The following GRIK1 variants were observed in gnomAD, a reference collection of about 807,000 sequenced individuals.
GRIK1 encodes glutamate ionotropic receptor kainate type subunit 1, also known as glutamate receptor ionotropic, kainate 1.
In GRIK1, 69 loss-of-function variants were observed where a neutral mutation model predicts 105.7. The ratio of observed to expected loss-of-function variants is 0.65; its 90% CI spans 0.54 to 0.80. The LOEUF (loss-of-function observed/expected upper bound fraction) is 0.80, where lower values mean the gene tolerates loss of function less well. GRIK1 is among the 30% of genes least tolerant of loss of function. The probability of loss-of-function intolerance (pLI) is 0.00; values close to 1 mark genes in which losing one functional copy is unlikely to be tolerated. For synonymous variants in GRIK1, 438 were observed against 431.3 expected (o/e 1.02, Z -0.19); for missense variants, 1,109 against 1,167.3 (o/e 0.95, Z 0.73).
chr21:29,642,784 G>A (rs1893736790), intron 7 of GRIK1, 42 bp downstream of exon 7: 2 of 1,598,516 alleles, frequency 1.3e-6, no homozygotes, highest in Non-Finnish European at 1.7e-6. Flanking sequence ...AAGCCCAACA[G>A]TGCTCAGAAG....
At chr21:29,736,037 A>G (rs568227633) in intron 1 of GRIK1, among the ~76,000 whole-genome samples, 1 of 152,260 alleles carries the variant, frequency 6.6e-6, no homozygotes, top group East Asian at 1.9e-4. Flanking sequence ...AGGTCTAAAG[A>G]CATAGAAAGC....
At chr21:29,649,941 G>A (rs112332944) in intron 6 of GRIK1, among the ~76,000 whole-genome samples, 12 of 152,246 alleles carry the variant, frequency 7.9e-5, no homozygotes, top group African/African-American at 2.6e-4. Context: ...GAGAAAAACC[G>A]ATCTATTAGC....
chr21:29,694,148 G>A (rs936006958), intron 1 of GRIK1, 85 bp from the exon 2 acceptor site: 31 of 770,980 alleles, frequency 4.0e-5, no homozygotes, highest in Middle Eastern at 3.3e-4. Flanking sequence ...TTTTTGAGAC[G>A]GAGTCTCGCT....
intron 15 of GRIK1, among the ~76,000 whole-genome samples, chr21:29,555,735 G>A (rs1351736616): frequency 6.6e-6 from 1 of 152,178 alleles, no homozygotes; most frequent in African/African-American, 2.4e-5. Flanking sequence ...CAGCCATACC[G>A]GAATGGGAGG....
chr21:29,730,044 T>C (rs1210386091), intron 1 of GRIK1, among the ~76,000 whole-genome samples: 1 of 152,222 alleles, frequency 6.6e-6, no homozygotes, highest in Non-Finnish European at 1.5e-5. Flanking sequence ...CCAATGGTTT[T>C]ATTACTTTAA....
chr21:29,623,095 T>C (rs1053793281), intron 7 of GRIK1, among the ~76,000 whole-genome samples: 2 of 152,164 alleles, frequency 1.3e-5, no homozygotes, highest in African/African-American at 4.8e-5. Flanking sequence ...GGGTAATTTA[T>C]AAAGTAAAGA....
At chr21:29,638,876 A>T (rs888350514) in intron 7 of GRIK1, among the ~76,000 whole-genome samples, 1 of 152,226 alleles carries the variant, frequency 6.6e-6, no homozygotes, top group Non-Finnish European at 1.5e-5. Context: ...TATACATATA[A>T]AATATGTAAT....
At chr21:29,784,496 T>A (rs927837884) in intron 1 of GRIK1, among the ~76,000 whole-genome samples, 8 of 152,210 alleles carry the variant, frequency 5.3e-5, no homozygotes, top group African/African-American at 1.9e-4. Flanking sequence ...TAGTATTTAA[T>A]CTTTGTCTAG....
intron 1 of GRIK1, among the ~76,000 whole-genome samples, chr21:29,884,432 G>A (rs1007118022): frequency 6.6e-6 from 1 of 151,904 alleles, no homozygotes; most frequent in Admixed American, 6.6e-5. Context: ...TTTTCCATAT[G>A]AGGACTTTCG....
chr21:29,931,725 G>A (rs1339394924), intron 1 of GRIK1, among the ~76,000 whole-genome samples: 1 of 151,830 alleles, frequency 6.6e-6, no homozygotes. Context: ...TTGTTACTGG[G>A]GTATCATTGT....
chr21:29,660,335 G>A (rs151296720), intron 4 of GRIK1, among the ~76,000 whole-genome samples: 23 of 152,324 alleles, frequency 1.5e-4, no homozygotes, highest in East Asian at 1.3e-3. Context: ...TGACCAGGAC[G>A]TAGCTCATAG....
At chr21:29,906,553 T>C (rs1220945141) in intron 1 of GRIK1, among the ~76,000 whole-genome samples, 6 of 152,216 alleles carry the variant, frequency 3.9e-5, no homozygotes, top group African/African-American at 7.2e-5. Flanking sequence ...TTTATTTTTA[T>C]TATATGTTTG....
At chr21:29,899,685 T>C (rs903497999) in intron 1 of GRIK1, among the ~76,000 whole-genome samples, 1 of 152,116 alleles carries the variant, frequency 6.6e-6, no homozygotes, top group African/African-American at 2.4e-5. Flanking sequence ...AGAGATGTCA[T>C]TTTCAGGTGA....
At chr21:29,682,856 T>G (rs2063406326) in intron 3 of GRIK1, among the ~76,000 whole-genome samples, 2 of 152,072 alleles carry the variant, frequency 1.3e-5, no homozygotes, top group Non-Finnish European at 2.9e-5. Flanking sequence ...ACCCACAGAA[T>G]GGGAGAAAAT....
intron 15 of GRIK1, among the ~76,000 whole-genome samples, chr21:29,560,437 C>CTTTCTTCCT (rs201038472): frequency 8.9e-6 from 1 of 112,282 alleles, no homozygotes; most frequent in Non-Finnish European, 1.8e-5. Flanking sequence ...TTCTTTCTTT[C>CTTTCTTCCT]TTTTTCTTTC....
At chr21:29,589,477 A>C (rs970334800) in intron 10 of GRIK1, among the ~76,000 whole-genome samples, 6 of 148,526 alleles carry the variant, frequency 4.0e-5, no homozygotes, top group East Asian at 2.0e-4. Context: ...CCTGGAGTGC[A>C]GTGGGGAGAT....
At chr21:29,587,925 CATG>C (rs2091165469) in intron 11 of GRIK1, among the ~76,000 whole-genome samples, 1 of 142,794 alleles carries the variant, frequency 7.0e-6, no homozygotes, top group Admixed American at 7.1e-5. Context: ...TATTAATTGA[CATG>C]ATGAGATTTT....
chr21:29,830,561 T>C (rs1360088544), intron 1 of GRIK1, among the ~76,000 whole-genome samples: 3 of 152,118 alleles, frequency 2.0e-5, no homozygotes, highest in Non-Finnish European at 4.4e-5. Flanking sequence ...GCAGGATAGA[T>C]AGAGTGCTTG....
chr21:29,724,500 TA>T (rs548417297), intron 1 of GRIK1, among the ~76,000 whole-genome samples: 4 of 152,346 alleles, frequency 2.6e-5, no homozygotes, highest in Admixed American at 2.6e-4. Context: ...TTTACAGCTT[TA>T]TAGAAGTGTT....
Sources: allele counts gnomAD v4.1 joint callset (sites outside exome capture counted in the v4.1 genomes callset), GRCh38; gene constraint gnomAD v4.1.1; transcripts MANE v1.5; gene names NCBI Gene and HGNC (gene_info 2026-07-23, HGNC 2026-07-21).